The following ARPP21 variants were observed in gnomAD, a reference collection of about 807,000 sequenced individuals.
ARPP21 encodes the protein cAMP-regulated phosphoprotein 21.
Under a neutral mutation model 113.2 loss-of-function variants are expected in ARPP21, and 69 were observed. The ratio of observed to expected loss-of-function variants is 0.61; its 90% CI spans 0.50 to 0.74. The LOEUF (loss-of-function observed/expected upper bound fraction) is 0.74. Ranked by LOEUF, ARPP21 falls within the 30% of genes least tolerant of loss-of-function variation. The pLI is 0.00. For synonymous variants in ARPP21, 368 were observed against 375.5 expected, an observed-to-expected ratio of 0.98 and a Z score of 0.23; for missense variants, 1,070 against 1,037.4, an observed-to-expected ratio of 1.03 and a Z score of -0.43.
chr3:35,778,658 A>G (rs1458484802), intron 19 of ARPP21, among the ~76,000 whole-genome samples: 1 of 152,072 alleles, frequency 6.6e-6, no homozygotes, highest in Non-Finnish European at 1.5e-5. Context: ...GTGGAATTCC[A>G]TTGCTTGACA....
chr3:35,707,822 G>A (rs1559691961), intron 10 of ARPP21, among the ~76,000 whole-genome samples: 6 of 151,766 alleles, frequency 4.0e-5, no homozygotes, highest in Admixed American at 3.9e-4. Flanking sequence ...ATGGGATCCA[G>A]GGTGATTAGA....
chr3:35,776,656 G>A (rs768275732), intron 19 of ARPP21, among the ~76,000 whole-genome samples: 4 of 152,140 alleles, frequency 2.6e-5, no homozygotes, highest in Non-Finnish European at 5.9e-5. Flanking sequence ...GGAGACAAAG[G>A]ACACAGTGGA....
chr3:35,694,334 G>A (rs1430684385), intron 9 of ARPP21, among the ~76,000 whole-genome samples: 2 of 151,398 alleles, frequency 1.3e-5, no homozygotes, highest in African/African-American at 4.8e-5. Flanking sequence ...AAAACAACTT[G>A]TCTCAGGATA....
rs745772446 is a variant in ARPP21 at position 35,793,874 on chromosome 3, C to A, written c.2460C>A (p.Pro820=). 1 of 1,614,166 alleles carries A rather than the reference C, an allele frequency of 6.2e-7. No individual in the cohort carries two copies. Among genetic ancestry groups the A allele is most frequent in the Non-Finnish European group, 8.5e-7 (1 of 1,179,984 alleles). The change falls in exon 21 of 21, where the codon CCC becomes CCA. Residue 820 remains proline (P), a synonymous_variant. Coordinates refer to ENST00000684406, the MANE Select transcript of ARPP21 (RefSeq NM_001385562.1). ...NNLRLIGPHC[P]SSTVPVMSAS... is the part of the protein sequence containing the mutation. The stretch of plus-strand genomic sequence containing the variant: ...TTAGGCTGATTGGCCCACACTGCCC[C>A]TCCAGCACTGTCCCAGTGATGTCAG...
chr3:35,691,073 G>A, intron 9 of ARPP21, 68 bp downstream of exon 9: 4 of 1,506,250 alleles, frequency 2.7e-6, no homozygotes, highest in Non-Finnish European at 2.7e-6. Flanking sequence ...TAAGATCACA[G>A]TATAAAATTC....
At chr3:35,786,395 G>C (rs1042056400) in intron 19 of ARPP21, among the ~76,000 whole-genome samples, 1 of 151,962 alleles carries the variant, frequency 6.6e-6, no homozygotes, top group African/African-American at 2.4e-5. Flanking sequence ...GGTGGTGCGT[G>C]CCTGTTTTCC....
intron 4 of ARPP21, among the ~76,000 whole-genome samples, chr3:35,683,104 T>G (rs9811585): frequency 0.4 from 59,873 of 151,414 alleles, 12,167 homozygotes; most frequent in East Asian, 0.48. Context: ...GATTTAGTGT[T>G]CAAATAGCTG....
At chr3:35,665,251 A>T (rs1486138856) in intron 1 of ARPP21, among the ~76,000 whole-genome samples, 1 of 152,188 alleles carries the variant, frequency 6.6e-6, no homozygotes, top group African/African-American at 2.4e-5. Context: ...TTATGTAGAT[A>T]AATATAAAGG....
chr3:35,672,312 A>G (rs887436685), intron 1 of ARPP21, among the ~76,000 whole-genome samples: 6 of 152,086 alleles, frequency 3.9e-5, no homozygotes, highest in Non-Finnish European at 2.9e-5. Flanking sequence ...GTGAATGGAT[A>G]GACCCACTAT....
At chr3:35,695,513 A>C (rs2083646971) in intron 9 of ARPP21, among the ~76,000 whole-genome samples, 1 of 151,540 alleles carries the variant, frequency 6.6e-6, no homozygotes, top group Non-Finnish European at 1.5e-5. Flanking sequence ...AATGTAGTGC[A>C]ACTCTTTGTA....
intron 19 of ARPP21, chr3:35,792,165 T>TAGAAATGTC (rs2096760449): frequency 1.8e-6 from 1 of 541,064 alleles, no homozygotes; most frequent in Non-Finnish European, 3.3e-6. Context: ...TGCATAACAA[T>TAGAAATGTC]AGAAATGTCA....
intron 9 of ARPP21, among the ~76,000 whole-genome samples, chr3:35,693,926 T>C (rs920273274): frequency 6.6e-6 from 1 of 151,678 alleles, no homozygotes; most frequent in African/African-American, 2.4e-5. Context: ...AATGGCACTA[T>C]AGTCTGAGAG....
At chr3:35,647,766 T>G (rs1700802217) in intron 1 of ARPP21, among the ~76,000 whole-genome samples, 1 of 152,164 alleles carries the variant, frequency 6.6e-6, no homozygotes, top group African/African-American at 2.4e-5. Context: ...GTTTCTACAG[T>G]TAAAGTTGTA....
At position 35,794,198 on chromosome 3, in the gene ARPP21, T is replaced by C; in HGVS notation, c.*240T>C. 1 of 555,134 alleles carries C rather than the reference T, an allele frequency of 1.8e-6. No individual in the cohort carries two copies. The highest frequency in any genetic ancestry group is 3.2e-6 in the Non-Finnish European group (1 of 310,670). 34.4% of individuals were successfully genotyped at this position (555,134 alleles called of 1,614,324 possible). On this transcript the variant is annotated 3_prime_UTR_variant, in exon 21 of 21. Transcript: ENST00000684406. ...AGCTAGTGACATGAATTCATCAAGG[T>C]AAGATTTTCTCCTACCACTGAATAC...
chr3:35,693,810 G>T (rs1001784559), intron 9 of ARPP21, among the ~76,000 whole-genome samples: 2 of 151,536 alleles, frequency 1.3e-5, no homozygotes, highest in Non-Finnish European at 3.0e-5. Context: ...TTAAAGGAGG[G>T]AATACTGAGA....
chr3:35,729,648 A>G, intron 15 of ARPP21, 112 bp downstream of exon 15: 2 of 910,940 alleles, frequency 2.2e-6, no homozygotes, highest in Non-Finnish European at 1.7e-6. Flanking sequence ...CAGGAAAGCT[A>G]GTTGCATGAA....
intron 11 of ARPP21, among the ~76,000 whole-genome samples, chr3:35,711,201 T>C (rs977236289): frequency 1.3e-5 from 2 of 152,160 alleles, no homozygotes; most frequent in Non-Finnish European, 2.9e-5. Context: ...GCTTTTTAAC[T>C]TGATATCCTA....
intron 19 of ARPP21, among the ~76,000 whole-genome samples, chr3:35,785,681 A>G (rs2096617594): frequency 6.6e-6 from 1 of 152,202 alleles, no homozygotes; most frequent in Non-Finnish European, 1.5e-5. Context: ...CTCAGGGGAC[A>G]GTAAAGAGGC....
chr3:35,657,887 T>G (rs2149093174), intron 1 of ARPP21, among the ~76,000 whole-genome samples: 1 of 152,254 alleles, frequency 6.6e-6, no homozygotes, highest in East Asian at 1.9e-4. Flanking sequence ...CCAGTGGTCG[T>G]GCATCCACTC....
Sources: allele counts gnomAD v4.1 joint callset (sites outside exome capture counted in the v4.1 genomes callset), GRCh38; gene constraint gnomAD v4.1.1; transcripts MANE v1.5; gene names NCBI Gene and HGNC (gene_info 2026-07-23, HGNC 2026-07-21).